The following PHF21B variants were observed in gnomAD, a reference collection of about 807,000 sequenced individuals.
The protein encoded by PHF21B is PHD finger protein 4.
In PHF21B, 22 loss-of-function variants were observed where a neutral mutation model predicts 62.2. The ratio of observed to expected loss-of-function variants is 0.35; its 90% CI spans 0.25 to 0.51. The LOEUF (loss-of-function observed/expected upper bound fraction) is 0.51, where lower values mean the gene tolerates loss of function less well. Ranked by LOEUF, PHF21B falls within the 20% of genes least tolerant of loss-of-function variation. The pLI, the probability that PHF21B is intolerant of heterozygous loss-of-function variation, is 0.97. For missense variants in PHF21B, 701 were observed against 707.9 expected (o/e 0.99, Z 0.11); for synonymous variants, 341 against 314.7 (o/e 1.08, Z -0.88).
intron 5 of PHF21B, among the ~76,000 whole-genome samples, chr22:44,908,420 G>T (rs2071288879): frequency 6.6e-6 from 1 of 152,180 alleles, no homozygotes. Flanking sequence ...GCCTTATGGG[G>T]TCTGAGAGCT....
chr22:45,006,269 G>A (rs1225101056), intron 2 of PHF21B, among the ~76,000 whole-genome samples: 1 of 152,170 alleles, frequency 6.6e-6, no homozygotes, highest in Non-Finnish European at 1.5e-5. Context: ...CAATGGCCAG[G>A]CCAAATCCTG....
chr22:44,950,045 A>C (rs1834184550), intron 2 of PHF21B, among the ~76,000 whole-genome samples: 2 of 152,240 alleles, frequency 1.3e-5, no homozygotes, highest in Non-Finnish European at 1.5e-5. Context: ...TAATGAAACC[A>C]GAAAGCCGTC....
intron 2 of PHF21B, among the ~76,000 whole-genome samples, chr22:45,002,241 CAT>C (rs940007260): frequency 2.0e-5 from 3 of 152,178 alleles, no homozygotes; most frequent in Non-Finnish European, 4.4e-5. Context: ...TTATACGTTA[CAT>C]GTGGCCAAGA....
chr22:44,901,074 G>C (rs2071150881), intron 5 of PHF21B, among the ~76,000 whole-genome samples: 1 of 152,272 alleles, frequency 6.6e-6, no homozygotes, highest in Non-Finnish European at 1.5e-5. Context: ...TGGAAGATCA[G>C]TGGAGCAGCT....
intron 2 of PHF21B, among the ~76,000 whole-genome samples, chr22:45,004,766 T>TGGTGAAGA (rs2073284221): frequency 6.6e-6 from 1 of 152,232 alleles, no homozygotes; most frequent in Admixed American, 6.5e-5. Context: ...TGGTAAGTCA[T>TGGTGAAGA]GGTGAAGACA....
chr22:44,968,811 C>CA (rs758720967), intron 2 of PHF21B, among the ~76,000 whole-genome samples: 4 of 152,168 alleles, frequency 2.6e-5, no homozygotes, highest in Admixed American at 6.5e-5. Context: ...CATCACTACT[C>CA]AAAGTGTCAG....
chr22:44,956,957 G>A (rs1276597282), intron 2 of PHF21B, among the ~76,000 whole-genome samples: 1 of 152,208 alleles, frequency 6.6e-6, no homozygotes, highest in Non-Finnish European at 1.5e-5. Flanking sequence ...CCAACCACAG[G>A]GAAAGAGGAG....
Position 44,883,046 on chromosome 22 carries a change from C to A in PHF21B, c.*40G>T. 2 of 1,565,520 alleles carry A rather than the reference C, an allele frequency of 1.3e-6. No homozygotes were observed. Among genetic ancestry groups the A allele is most frequent in the Non-Finnish European group, 1.7e-6 (2 of 1,155,924 alleles). On this transcript the variant is annotated 3_prime_UTR_variant, in exon 13 of 13. Transcript: ENST00000313237. ...ACCCCCAGGCTGTGTAAGCAGGGTC[C>A]CAATAACTTTCCGTGGGTATGAAGA...
chr22:44,989,699 T>G (rs899299564), intron 2 of PHF21B, among the ~76,000 whole-genome samples: 2 of 135,056 alleles, frequency 1.5e-5, no homozygotes, highest in African/African-American at 5.5e-5. Flanking sequence ...AACCTCCGCA[T>G]CCCAGGTTCA....
chr22:44,970,379 AG>A (rs1461018537), intron 2 of PHF21B, among the ~76,000 whole-genome samples: 12 of 152,210 alleles, frequency 7.9e-5, no homozygotes, highest in African/African-American at 1.4e-4. Flanking sequence ...GGTCAAGCAC[AG>A]CTGCACCACC....
intron 2 of PHF21B, among the ~76,000 whole-genome samples, chr22:44,935,800 T>G (rs1182920261): frequency 6.6e-6 from 1 of 152,094 alleles, no homozygotes; most frequent in Admixed American, 6.5e-5. Context: ...TGATGCCAGC[T>G]TCACAGGGGG....
intron 2 of PHF21B, among the ~76,000 whole-genome samples, chr22:44,950,020 C>T (rs1250672573): frequency 6.6e-6 from 1 of 152,170 alleles, no homozygotes; most frequent in Admixed American, 6.5e-5. Context: ...TCAGAAGTGA[C>T]CTCTTTGACC....
intron 2 of PHF21B, among the ~76,000 whole-genome samples, chr22:44,984,169 AT>A: frequency 3.3e-5 from 5 of 150,178 alleles, no homozygotes; most frequent in African/African-American, 9.8e-5. Context: ...CACCACCATC[AT>A]CACCATCACA....
intron 2 of PHF21B, among the ~76,000 whole-genome samples, chr22:44,932,368 G>A (rs1404041197): frequency 6.6e-6 from 1 of 152,162 alleles, no homozygotes; most frequent in Non-Finnish European, 1.5e-5. Flanking sequence ...CTATCAGAGT[G>A]TCCTTATTCC....
intron 12 of PHF21B, among the ~76,000 whole-genome samples, chr22:44,884,602 C>T (rs1020083474): frequency 6.6e-6 from 1 of 151,738 alleles, no homozygotes; most frequent in Admixed American, 6.6e-5. Flanking sequence ...ATCAACACCA[C>T]CATCACCATA....
At chr22:44,940,505 G>A (rs1203920243) in intron 2 of PHF21B, among the ~76,000 whole-genome samples, 7 of 152,248 alleles carry the variant, frequency 4.6e-5, no homozygotes. Context: ...AGTTATGAGG[G>A]ACAACTGAAA....
intron 2 of PHF21B, among the ~76,000 whole-genome samples, chr22:44,957,301 T>A (rs535704834): frequency 6.6e-6 from 1 of 152,328 alleles, no homozygotes; most frequent in South Asian, 2.1e-4. Context: ...TGGAAAAAGT[T>A]GTTTCGGTTT....
chr22:44,906,976 A>G (rs968422153), intron 5 of PHF21B, among the ~76,000 whole-genome samples: 1 of 152,184 alleles, frequency 6.6e-6, no homozygotes, highest in African/African-American at 2.4e-5. Flanking sequence ...CCTGCAGTGG[A>G]CACTGCCACC....
intron 2 of PHF21B, among the ~76,000 whole-genome samples, chr22:44,935,632 A>AAAC (rs1491267007): frequency 6.7e-4 from 1 of 1,482 alleles, no homozygotes; most frequent in African/African-American, 1.8e-3. Flanking sequence ...ACAAACAAAC[A>AAAC]AAAAAAAAAC....
Sources: gnomAD v4.1 joint callset for allele counts (sites outside exome capture counted in the v4.1 genomes callset) on GRCh38, gnomAD v4.1.1 for gene constraint, MANE v1.5 for transcripts, NCBI Gene and HGNC (gene_info 2026-07-23, HGNC 2026-07-21) for gene names.